The following RABGAP1L variants were observed in gnomAD, a reference collection of about 807,000 sequenced individuals.
RABGAP1L encodes the protein rab GTPase-activating protein 1-like.
RABGAP1L carries 63 observed loss-of-function variants against 137.7 expected under a neutral mutation model. The observed-to-expected ratio is 0.46, with a 90% CI of 0.37 to 0.56. RABGAP1L has a LOEUF of 0.56. RABGAP1L is among the 20% of genes least tolerant of loss of function. The probability of loss-of-function intolerance (pLI) is 0.00; values close to 1 mark genes in which losing one functional copy is unlikely to be tolerated. For missense variants in RABGAP1L, 1,095 were observed against 1,244.0 expected, an observed-to-expected ratio of 0.88 and a Z score of 1.80; for synonymous variants, 431 against 433.7, an observed-to-expected ratio of 0.99 and a Z score of 0.08.
chr1:174,604,132 A>T (rs1245958462), intron 13 of RABGAP1L, among the ~76,000 whole-genome samples: 1 of 152,032 alleles, frequency 6.6e-6, no homozygotes, highest in African/African-American at 2.4e-5. Flanking sequence ...CAGGAATTGC[A>T]GTCCTTGTGG....
intron 13 of RABGAP1L, among the ~76,000 whole-genome samples, chr1:174,582,209 C>CA (rs200849775): frequency 0.022 from 3,399 of 151,780 alleles, 58 homozygotes; most frequent in Middle Eastern, 0.089. Flanking sequence ...CCCATCTGTA[C>CA]AAAAAAATAC....
chr1:174,182,190 A>T (rs1241156197), intron 1 of RABGAP1L, among the ~76,000 whole-genome samples: 3 of 152,196 alleles, frequency 2.0e-5, no homozygotes, highest in Non-Finnish European at 4.4e-5. Flanking sequence ...AATTTGGTTT[A>T]GCTGTGTAGT....
At chr1:174,369,113 T>C (rs1684885390) in intron 11 of RABGAP1L, among the ~76,000 whole-genome samples, 1 of 152,212 alleles carries the variant, frequency 6.6e-6, no homozygotes, top group African/African-American at 2.4e-5. Context: ...TAAGTACCTA[T>C]ACTTGGTACC....
At chr1:174,574,227 T>C (rs1668196429) in intron 13 of RABGAP1L, among the ~76,000 whole-genome samples, 1 of 152,214 alleles carries the variant, frequency 6.6e-6, no homozygotes, top group East Asian at 1.9e-4. Flanking sequence ...AAACAATTGA[T>C]TTTTAGCAAA....
chr1:174,833,449 G>GATATATATATAT (rs760181639), intron 19 of RABGAP1L, among the ~76,000 whole-genome samples: 487 of 27,848 alleles, frequency 0.017, 125 homozygotes, highest in Admixed American at 0.051. Context: ...TGTGTGTAGA[G>GATATATATATAT]ATATATATAT....
At chr1:174,946,865 C>T (rs1259115910) in intron 19 of RABGAP1L, among the ~76,000 whole-genome samples, 2 of 138,172 alleles carry the variant, frequency 1.4e-5, no homozygotes, top group African/African-American at 5.5e-5. Flanking sequence ...CATGCCACTT[C>T]ACTCCAGCCT....
intron 11 of RABGAP1L, among the ~76,000 whole-genome samples, chr1:174,327,164 A>T (rs958106100): frequency 6.6e-6 from 1 of 152,192 alleles, no homozygotes; most frequent in Non-Finnish European, 1.5e-5. Flanking sequence ...GGCAAATTCA[A>T]CATACTCTAA....
intron 13 of RABGAP1L, 85 bp from the exon 14 acceptor site, chr1:174,637,290 G>GT: frequency 2.2e-6 from 2 of 900,222 alleles, no homozygotes; most frequent in South Asian, 3.2e-5. Flanking sequence ...TTTTCTTGCT[G>GT]TTTGAGTTTT....
At chr1:174,862,453 CAATACCTTAATTATAT>C (rs1332257753) in intron 19 of RABGAP1L, among the ~76,000 whole-genome samples, 1 of 151,818 alleles carries the variant, frequency 6.6e-6, no homozygotes, top group Non-Finnish European at 1.5e-5. Flanking sequence ...TATCCTGATC[CAATACCTTAATTATAT>C]AATTAAGTTT....
chr1:174,584,824 A>C lies in RABGAP1L; in HGVS notation c.1711-52551A>C, dbSNP rs1010044865. 6.5e-5 allele frequency among the ~76,000 whole-genome samples: 9 copies of C among 137,494 alleles called. 1 individual carries two copies. The highest frequency in any genetic ancestry group is 6.5e-4 in the Admixed American group (9 of 13,930). 90.2% of individuals were successfully genotyped at this position (137,494 alleles called of 152,430 possible). The stretch of plus-strand genomic sequence containing the variant: ...CTGTTTTTACTCCCCTACTCAAAAG[A>C]TGTATGTGTATGTGTTTTTTTTTTT... On this transcript the variant is annotated intron_variant, in intron 13 of 25. Transcript: ENST00000681986.
chr1:174,187,937 A>G (rs1190177818), intron 1 of RABGAP1L, among the ~76,000 whole-genome samples: 5 of 152,186 alleles, frequency 3.3e-5, no homozygotes, highest in Non-Finnish European at 5.9e-5. Context: ...CTAATATACT[A>G]TAATTCTGAT....
At chr1:174,860,145 A>G (rs1650045747) in intron 19 of RABGAP1L, among the ~76,000 whole-genome samples, 1 of 152,048 alleles carries the variant, frequency 6.6e-6, no homozygotes, top group Non-Finnish European at 1.5e-5. Context: ...GGCCCTCACT[A>G]GCTTTTGCAT....
intron 13 of RABGAP1L, among the ~76,000 whole-genome samples, chr1:174,414,142 C>T (rs754013445): frequency 7.2e-5 from 11 of 151,966 alleles, no homozygotes; most frequent in Non-Finnish European, 1.5e-4. Flanking sequence ...ACATATATTT[C>T]GTGCATTCAT....
At chr1:174,444,170 T>G (rs2149239194) in intron 13 of RABGAP1L, among the ~76,000 whole-genome samples, 1 of 151,504 alleles carries the variant, frequency 6.6e-6, no homozygotes, top group African/African-American at 2.4e-5. Context: ...TCTTTTGTAG[T>G]TCCATACAAA....
chr1:174,468,076 G>T (rs1010524182), intron 13 of RABGAP1L, among the ~76,000 whole-genome samples: 1 of 151,992 alleles, frequency 6.6e-6, no homozygotes, highest in Non-Finnish European at 1.5e-5. Context: ...ATATTATAAA[G>T]AATTAATTTT....
chr1:174,957,823 A>G (rs1045553506), intron 20 of RABGAP1L: 13 of 1,398,114 alleles, frequency 9.3e-6, no homozygotes, highest in Non-Finnish European at 1.3e-5. Flanking sequence ...GATCATGCTA[A>G]CTGTCCAGGT....
chr1:174,642,207 A>G (rs372151899), intron 14 of RABGAP1L, among the ~76,000 whole-genome samples: 13 of 152,196 alleles, frequency 8.5e-5, no homozygotes, highest in African/African-American at 3.1e-4. Context: ...GAGAGATTGA[A>G]TATATTATAC....
rs34143059 is a variant in RABGAP1L, at chr1:174,957,723, CTTTTTTTTTTTT to C, written c.2433+186_2433+197del. 1,119 of 505,876 alleles carry C rather than the reference CTTTTTTTTTTTT, an allele frequency of 2.2e-3. 14 individuals carry two copies. In the East Asian group the frequency reaches 0.034, roughly 15 times the overall value. The allele number at this position is 505,876 out of a possible 1,614,324, so 31.3% of individuals were successfully genotyped here. A position where few individuals can be genotyped will look rare whatever the true frequency, so the allele number is the denominator to read the frequency against. ...CGAGCCACCATTCCCAGCAAAGTAC[CTTTTTTTTTTTT>C]TTTTTTTTTTTCTTAAAGCAGCAGT... On this transcript the variant is annotated intron_variant, in intron 20 of 25. Transcript: ENST00000681986.
At chr1:174,900,220 G>A (rs1458428871) in intron 19 of RABGAP1L, among the ~76,000 whole-genome samples, 4 of 152,164 alleles carry the variant, frequency 2.6e-5, no homozygotes, top group Admixed American at 1.3e-4. Context: ...CACACACAAC[G>A]TGAGGAAACC....
Sources: allele counts gnomAD v4.1 joint callset (sites outside exome capture counted in the v4.1 genomes callset), GRCh38; gene constraint gnomAD v4.1.1; transcripts MANE v1.5; gene names NCBI Gene and HGNC (gene_info 2026-07-23, HGNC 2026-07-21).